Variants in NUF2 observed in about 807,000 individuals in gnomAD.
The protein encoded by NUF2 is NUF2 component of NDC80 kinetochore complex, also known as kinetochore protein Nuf2.
NUF2 carries 34 observed loss-of-function variants against 61.8 expected under a neutral mutation model. The ratio of observed to expected loss-of-function variants is 0.55; its 90% CI spans 0.42 to 0.73. NUF2 has a LOEUF of 0.73. NUF2 is among the 30% of genes least tolerant of loss of function. The probability of loss-of-function intolerance (pLI) is 0.00; values close to 1 mark genes in which losing one functional copy is unlikely to be tolerated. For synonymous variants in NUF2, 172 were observed against 181.6 expected (o/e 0.95, Z 0.42); for missense variants, 445 against 539.1 (o/e 0.83, Z 1.73).
chr1:163,324,693 G>T (rs763035057), intron 1 of NUF2, among the ~76,000 whole-genome samples: 4 of 152,062 alleles, frequency 2.6e-5, no homozygotes, highest in Admixed American at 6.6e-5. Flanking sequence ...AACAGTGGCT[G>T]CTATTGCTGC....
chr1:163,325,383 A>G (rs1482933007), intron 1 of NUF2, among the ~76,000 whole-genome samples: 2 of 152,208 alleles, frequency 1.3e-5, no homozygotes, highest in African/African-American at 4.8e-5. Context: ...TTAGAGAACT[A>G]CTACGCTAGG....
chr1:163,334,646 A>T (rs574544261), intron 5 of NUF2, among the ~76,000 whole-genome samples: 1 of 152,104 alleles, frequency 6.6e-6, no homozygotes, highest in Non-Finnish European at 1.5e-5. Flanking sequence ...AGATGTGGTG[A>T]TGCATACCTG....
Position 163,355,487 on chromosome 1 carries a change from C to T in NUF2, c.*18C>T. ...CAACCTGATTAACAAAATTACATGTCTTTTTGTAAATGGCTTGCCATCTTT... is the reference window on the plus strand; with the variant it reads ...CAACCTGATTAACAAAATTACATGTTTTTTTGTAAATGGCTTGCCATCTTT... On this transcript the variant is annotated 3_prime_UTR_variant, in exon 14 of 14. Transcript: ENST00000271452. The T allele has an allele frequency of 1.3e-6, 2 of 1,571,598 alleles. No homozygotes were observed. The highest frequency in any genetic ancestry group is 1.7e-6 in the Non-Finnish European group (2 of 1,161,250).
chr1:163,340,199 T>G, intron 8 of NUF2, 165 bp from the exon 9 acceptor site: 1 of 549,164 alleles, frequency 1.8e-6, no homozygotes, highest in South Asian at 2.7e-5. Context: ...AAAGGAACTC[T>G]TAGATATTTC....
chr1:163,325,694 G>T (rs1650394376), intron 1 of NUF2, among the ~76,000 whole-genome samples: 1 of 149,702 alleles, frequency 6.7e-6, no homozygotes, highest in Admixed American at 6.6e-5. Context: ...ATTAGGATTG[G>T]TCTTGTTAAG....
chr1:163,354,678 G>T (rs1651429959), intron 13 of NUF2, among the ~76,000 whole-genome samples: 1 of 151,944 alleles, frequency 6.6e-6, no homozygotes, highest in Non-Finnish European at 1.5e-5. Flanking sequence ...GTTTCTTGTG[G>T]TATTATGTAT....
At chr1:163,349,146 AC>A in intron 13 of NUF2, 66 bp downstream of exon 13, 3 of 1,357,520 alleles carry the variant, frequency 2.2e-6, no homozygotes, top group Non-Finnish European at 3.0e-6. Context: ...GTTAACTGAA[AC>A]AAAACAGCTT....
intron 8 of NUF2, among the ~76,000 whole-genome samples, 177 bp downstream of exon 8, chr1:163,339,654 C>T (rs1415727611): frequency 2.0e-5 from 3 of 152,016 alleles, no homozygotes; most frequent in East Asian, 1.9e-4. Context: ...CATCTAGAAC[C>T]GTGATGGTTT....
chr1:163,327,863 A>G (rs867071931), intron 3 of NUF2: 1 of 385,196 alleles, frequency 2.6e-6, no homozygotes, highest in African/African-American at 2.1e-5. Context: ...ACTACAATAA[A>G]CAATAGCTAA....
chr1:163,344,977 A>G (rs986370953), intron 10 of NUF2, among the ~76,000 whole-genome samples: 1 of 152,146 alleles, frequency 6.6e-6, no homozygotes, highest in African/African-American at 2.4e-5. Context: ...AGTTTTACAG[A>G]TTTTAGGAGA....
chr1:163,346,092 AT>A (rs1196749751), intron 11 of NUF2: 1 of 202,368 alleles, frequency 4.9e-6, no homozygotes, highest in Admixed American at 5.4e-5. Context: ...GCTCCCCCTT[AT>A]CCTTAGGAGA....
intron 1 of NUF2, among the ~76,000 whole-genome samples, chr1:163,324,911 T>G (rs1650367580): frequency 6.7e-6 from 1 of 150,240 alleles, no homozygotes; most frequent in Non-Finnish European, 1.5e-5. Context: ...TTTTTTTTTT[T>G]TTTTTTTGAC....
chr1:163,349,216 T>G lies in NUF2; in HGVS notation c.1260+136T>G, dbSNP rs1651231486. 3 of 704,016 alleles carry G rather than the reference T, an allele frequency of 4.3e-6. No individual in the cohort carries two copies. In the East Asian group the frequency reaches 8.5e-5, roughly 20 times the overall value. 43.6% of individuals were successfully genotyped at this position (704,016 alleles called of 1,614,324 possible). A position where few individuals can be genotyped will look rare whatever the true frequency, so the allele number is the denominator to read the frequency against. ...ACCTAAAATTATTTACTCTTTATTC[T>G]TGTTTTGAATATATTTACTGTAAAG... On this transcript the variant is annotated intron_variant, in intron 13 of 13. Coordinates refer to ENST00000271452, the MANE Select transcript of NUF2 (RefSeq NM_145697.3).
intron 10 of NUF2, among the ~76,000 whole-genome samples, chr1:163,344,089 C>T (rs1015620138): frequency 1.3e-5 from 2 of 151,990 alleles, no homozygotes; most frequent in African/African-American, 4.8e-5. Flanking sequence ...AACAATTTTT[C>T]GAGGCTTTTC....
chr1:163,330,159 A>G (rs1650549117), intron 5 of NUF2, among the ~76,000 whole-genome samples: 1 of 152,200 alleles, frequency 6.6e-6, no homozygotes, highest in Non-Finnish European at 1.5e-5. Flanking sequence ...AATGTACAGT[A>G]CCAGGAGTGA....
At chr1:163,348,139 A>G (rs1651198068) in intron 12 of NUF2, among the ~76,000 whole-genome samples, 1 of 152,048 alleles carries the variant, frequency 6.6e-6, no homozygotes, top group African/African-American at 2.4e-5. Flanking sequence ...TGTCTTAGCT[A>G]CTCTTTTCCT....
intron 6 of NUF2, 146 bp downstream of exon 6, chr1:163,336,994 G>A: frequency 1.7e-6 from 1 of 579,364 alleles, no homozygotes; most frequent in Non-Finnish European, 3.0e-6. Context: ...ATATTAACTT[G>A]CAGATTTTAG....
intron 5 of NUF2, among the ~76,000 whole-genome samples, chr1:163,336,021 T>A (rs898172680): frequency 6.6e-6 from 1 of 152,214 alleles, no homozygotes; most frequent in Admixed American, 6.5e-5. Context: ...GTTTTCACAT[T>A]CTTATCTACT....
At chr1:163,325,182 G>GT (rs1650376334) in intron 1 of NUF2, among the ~76,000 whole-genome samples, 1 of 151,970 alleles carries the variant, frequency 6.6e-6, no homozygotes, top group Non-Finnish European at 1.5e-5. Context: ...CAGGTACAGG[G>GT]TTTTTTAACA....
Sources: gnomAD v4.1 joint callset for allele counts (sites outside exome capture counted in the v4.1 genomes callset) on GRCh38, gnomAD v4.1.1 for gene constraint, MANE v1.5 for transcripts, NCBI Gene and HGNC (gene_info 2026-07-23, HGNC 2026-07-21) for gene names.